The following MACROD2 variants were observed in gnomAD, a reference collection of about 807,000 sequenced individuals.
MACROD2 encodes ADP-ribose glycohydrolase MACROD2.
A neutral mutation model predicts 70.4 loss-of-function variants in MACROD2; 36 were observed. That is an observed-to-expected ratio of 0.51 (90% confidence interval 0.39 to 0.68). The LOEUF (loss-of-function observed/expected upper bound fraction) is 0.68, where lower values mean the gene tolerates loss of function less well. Among genes scored for constraint, MACROD2 ranks in the 30% least tolerant of loss-of-function variants. The probability of loss-of-function intolerance (pLI) is 0.00; values close to 1 mark genes in which losing one functional copy is unlikely to be tolerated. For missense variants in MACROD2, 496 were observed against 538.4 expected (o/e 0.92, Z 0.78); for synonymous variants, 172 against 178.8 (o/e 0.96, Z 0.30).
intron 8 of MACROD2, among the ~76,000 whole-genome samples, chr20:15,693,043 C>T (rs989273323): frequency 7.2e-5 from 11 of 152,182 alleles, no homozygotes; most frequent in African/African-American, 2.4e-4. Context: ...CCTTTGCCCT[C>T]CGCCATGATT....
chr20:14,118,324 C>T (rs2054540229), intron 3 of MACROD2, among the ~76,000 whole-genome samples: 1 of 152,120 alleles, frequency 6.6e-6, no homozygotes, highest in African/African-American at 2.4e-5. Context: ...GTTGGTAGGA[C>T]GCACAGAGGA....
At chr20:16,012,978 G>A (rs1019621821) in intron 15 of MACROD2, among the ~76,000 whole-genome samples, 2 of 152,132 alleles carry the variant, frequency 1.3e-5, no homozygotes, top group African/African-American at 4.8e-5. Context: ...TCAAGAGATC[G>A]AGACCATCCT....
intron 5 of MACROD2, among the ~76,000 whole-genome samples, chr20:14,826,729 T>A (rs1292668066): frequency 1.3e-5 from 2 of 152,166 alleles, no homozygotes; most frequent in Non-Finnish European, 2.9e-5. Flanking sequence ...TCCTGATTAA[T>A]TCACTGTACC....
intron 7 of MACROD2, among the ~76,000 whole-genome samples, chr20:15,465,112 G>A (rs1190102024): frequency 6.6e-6 from 1 of 151,954 alleles, no homozygotes; most frequent in African/African-American, 2.4e-5. Flanking sequence ...TATATAGGTA[G>A]AGTCATAAAT....
In MACROD2 at chr20:14,862,632, T is replaced by TATATATATATAAATATAA. The variant is rs2073376633; in HGVS notation, c.418+177682_418+177683insTAAATATAAATATATATA. Among the ~76,000 whole-genome samples, 8 of 7,272 alleles carry TATATATATATAAATATAA rather than the reference T, an allele frequency of 1.1e-3. 1 individual carries two copies. Among genetic ancestry groups the TATATATATATAAATATAA allele is most frequent in the African/African-American group, 2.6e-3 (8 of 3,026 alleles). 4.8% of individuals were successfully genotyped at this position (7,272 alleles called of 152,430 possible). On this transcript the variant is annotated intron_variant, in intron 5 of 17. Coordinates refer to ENST00000684519, the MANE Select transcript of MACROD2 (RefSeq NM_001351661.2). ...ATATATATAAATATATATATATAAA[T>TATATATATATAAATATAA]ATATATATAAATATATATATATAAA...
At chr20:15,942,421 G>C (rs1342659197) in intron 12 of MACROD2, among the ~76,000 whole-genome samples, 1 of 152,168 alleles carries the variant, frequency 6.6e-6, no homozygotes. Flanking sequence ...CCAAGGTAAA[G>C]CTGGCCTGGG....
At chr20:14,341,212 T>G (rs2083009377) in intron 3 of MACROD2, among the ~76,000 whole-genome samples, 1 of 152,224 alleles carries the variant, frequency 6.6e-6, no homozygotes, top group East Asian at 1.9e-4. Flanking sequence ...ATCCCCAAAC[T>G]ATCTCCAACT....
At chr20:14,177,021 A>G (rs2081268037) in intron 3 of MACROD2, among the ~76,000 whole-genome samples, 3 of 152,230 alleles carry the variant, frequency 2.0e-5, no homozygotes, top group Admixed American at 6.5e-5. Flanking sequence ...CCAGAAACAC[A>G]TAAGTAGAGT....
In MACROD2 at chr20:15,989,207, A is replaced by T. The variant is rs907350310; in HGVS notation, c.1153+2049A>T. Among the ~76,000 whole-genome samples, 4 of 152,172 alleles carry T rather than the reference A, an allele frequency of 2.6e-5. No individual in the cohort carries two copies. The East Asian group carries it at 7.7e-4, about 29-fold the overall frequency. ...ACAAAGTCAAGAAAATCCACATGTG[A>T]TTTCCCCAAGTCCATTTATCATTCT... On this transcript the variant is annotated intron_variant, in intron 15 of 17. Transcript: ENST00000684519.
At chr20:15,688,407 T>C (rs768560386) in intron 8 of MACROD2, among the ~76,000 whole-genome samples, 1 of 152,120 alleles carries the variant, frequency 6.6e-6, no homozygotes. Context: ...AAATGGGTCT[T>C]GAAGGAGCAA....
At chr20:14,273,490 A>G (rs566128541) in intron 3 of MACROD2, among the ~76,000 whole-genome samples, 4 of 148,948 alleles carry the variant, frequency 2.7e-5, no homozygotes, top group Non-Finnish European at 5.9e-5. Flanking sequence ...GACACATTCA[A>G]AGCAGTGTGT....
chr20:16,045,373 C>T (rs894589938), intron 17 of MACROD2, among the ~76,000 whole-genome samples: 7 of 152,140 alleles, frequency 4.6e-5, no homozygotes, highest in African/African-American at 1.7e-4. Flanking sequence ...CTGCTTGCTT[C>T]ATGGCAGCCA....
chr20:15,359,541 A>G (rs2078327930), intron 6 of MACROD2, among the ~76,000 whole-genome samples: 1 of 151,466 alleles, frequency 6.6e-6, no homozygotes, highest in Admixed American at 6.6e-5. Context: ...TTAATTTATA[A>G]GAAATTAATA....
At chr20:15,172,096 G>C (rs2076426972) in intron 5 of MACROD2, among the ~76,000 whole-genome samples, 1 of 152,118 alleles carries the variant, frequency 6.6e-6, no homozygotes, top group Admixed American at 6.6e-5. Flanking sequence ...TTCCCATTTT[G>C]ATTTTTGAGA....
At chr20:15,043,344 G>A (rs2075369341) in intron 5 of MACROD2, among the ~76,000 whole-genome samples, 1 of 152,238 alleles carries the variant, frequency 6.6e-6, no homozygotes, top group Non-Finnish European at 1.5e-5. Flanking sequence ...GGCTGGGGCT[G>A]TGCCTTTGCA....
intron 4 of MACROD2, among the ~76,000 whole-genome samples, chr20:14,509,780 A>G (rs1386639550): frequency 2.6e-5 from 4 of 151,972 alleles, no homozygotes; most frequent in Non-Finnish European, 5.9e-5. Flanking sequence ...TATTTTAAAT[A>G]TTAGCATATT....
At chr20:15,717,517 A>G (rs954086805) in intron 8 of MACROD2, among the ~76,000 whole-genome samples, 6 of 152,356 alleles carry the variant, frequency 3.9e-5, no homozygotes, top group Admixed American at 3.9e-4. Flanking sequence ...TCTTGCCTCC[A>G]AATGTCTAAA....
At chr20:14,988,857 C>T (rs1331605808) in intron 5 of MACROD2, among the ~76,000 whole-genome samples, 1 of 152,098 alleles carries the variant, frequency 6.6e-6, no homozygotes, top group Admixed American at 6.5e-5. Context: ...TTATTTGTAA[C>T]ATCAATGTCC....
intron 5 of MACROD2, among the ~76,000 whole-genome samples, chr20:15,130,097 C>T (rs1270684218): frequency 6.6e-6 from 1 of 152,124 alleles, no homozygotes; most frequent in Non-Finnish European, 1.5e-5. Flanking sequence ...TTTTAAATAA[C>T]ACTTCCAAAA....
Sources: allele counts gnomAD v4.1 joint callset (sites outside exome capture counted in the v4.1 genomes callset), GRCh38; gene constraint gnomAD v4.1.1; transcripts MANE v1.5; gene names NCBI Gene and HGNC (gene_info 2026-07-23, HGNC 2026-07-21).